EXOC3L1: variants seen among roughly 807,000 people sequenced by gnomAD.
The protein encoded by EXOC3L1 is exocyst complex component 3-like protein.
Under a neutral mutation model 83.6 loss-of-function variants are expected in EXOC3L1, and 79 were observed. The observed-to-expected ratio is 0.95, with a 90% CI of 0.79 to 1.14. The LOEUF (loss-of-function observed/expected upper bound fraction) is 1.14, where lower values mean the gene tolerates loss of function less well. Among genes scored for constraint, EXOC3L1 ranks in the 50% most tolerant of loss-of-function variants. EXOC3L1 has a pLI of 0.00. For missense variants in EXOC3L1, 945 were observed against 972.0 expected (o/e 0.97, Z 0.37); for synonymous variants, 433 against 451.2 (o/e 0.96, Z 0.51).
chr16:67,185,099 C>A, intron 11 of EXOC3L1, 37 bp downstream of exon 11: 1 of 1,612,626 alleles, frequency 6.2e-7, no homozygotes, highest in Non-Finnish European at 8.5e-7. Flanking sequence ...GCCTCTCACC[C>A]GCGCCGCCCC....
At position 67,188,913 on chromosome 16, in the gene EXOC3L1, C is replaced by T. The variant is rs1180878232; in HGVS notation, c.235G>A (p.Val79Met). 2.9e-5 allele frequency: 46 copies of T among 1,613,156 alleles called. No individual in the cohort carries two copies. Among genetic ancestry groups the T allele is most frequent in the Non-Finnish European group, 3.0e-5 (35 of 1,179,970 alleles). ...KSVMQSYLEG[V>M]QTGVWQLAQA... ...GCCAGCTGCCACACACCAGTCTGCA[C>T]GCCTTCCAGGTATGACTGCATCACT... Residue 79 changes from valine to methionine, a missense_variant, in exon 4 of 14, where the codon GTG becomes ATG. Transcript: ENST00000314586.
Position 67,186,598 on chromosome 16 carries a change from C to T in EXOC3L1, c.1344G>A (p.Val448=). 6.2e-7 allele frequency: 1 copy of T among 1,614,112 alleles called. No homozygotes were observed. The highest frequency in any genetic ancestry group is 1.1e-5 in the South Asian group (1 of 91,084). ...SLVSESLQQR[V]HGMALSELGT... is the part of the protein sequence containing the mutation. ...CCAGTTCTGACAGTGCCATGCCATG[C>T]ACTCGCTGTTGCAGTGACTCACTGA... Residue 448 remains valine (V), a synonymous_variant, in exon 8 of 14, where the codon GTG becomes GTA. Coordinates refer to ENST00000314586, the MANE Select transcript of EXOC3L1 (RefSeq NM_178516.4).
intron 4 of EXOC3L1, 23 bp downstream of exon 4, chr16:67,188,698 G>T (rs754719142): frequency 6.3e-7 from 1 of 1,598,230 alleles, no homozygotes; most frequent in Non-Finnish European, 8.5e-7. Flanking sequence ...GGAGGCTGAG[G>T]CCCAGGGTCC....
Position 67,185,010 on chromosome 16 carries a change from G to A in EXOC3L1, c.1797C>T (p.Ser599=), listed in dbSNP as rs2032650158. Residue 599 remains serine (S), a synonymous_variant, in exon 12 of 14, where the codon AGC becomes AGT. Coordinates refer to ENST00000314586, the MANE Select transcript of EXOC3L1 (RefSeq NM_178516.4). ...ACACCAGGCGGCCTTGCATCAGCGC[G>A]CTCAGGTACTGGAGCACCACGGCAC... The part of the protein sequence containing the change: ...AERAVVLQYL[S]ALMQGRLVCR... The A allele has an allele frequency of 1.9e-6, 3 of 1,609,732 alleles. 1 individual carries two copies. The highest frequency in any genetic ancestry group is 2.2e-5 in the South Asian group (2 of 90,810).
rs373436148 is a variant in EXOC3L1, at chr16:67,189,049, G to A, written c.178C>T (p.Arg60Cys). ...LGQYRSREVQ[R>C]TCSLESRLKS... ...AGGCGCGATTCCAGGGAGCAGGTAC[G>A]CTGCACCTCGCGGCTGCGGTACTGG... The change falls in exon 3 of 14, where the codon CGT becomes TGT. Residue 60 changes from arginine to cysteine, a missense_variant. By Grantham distance (180) the Arg-to-Cys change is radical. Coordinates refer to ENST00000314586, the MANE Select transcript of EXOC3L1 (RefSeq NM_178516.4). 82 of 1,607,186 alleles carry A rather than the reference G, an allele frequency of 5.1e-5. 1 individual carries two copies. Among genetic ancestry groups the A allele is most frequent in the Non-Finnish European group, 6.4e-5 (75 of 1,177,310 alleles).
chr16:67,186,874 GAC>G lies in EXOC3L1; in HGVS notation c.1167_1168del (p.Gln391ValfsTer12), dbSNP rs753085451. On this transcript the variant is annotated frameshift_variant, in exon 7 of 14. Coordinates refer to ENST00000314586, the MANE Select transcript of EXOC3L1 (RefSeq NM_178516.4). LOFTEE classifies it high-confidence loss of function. The stretch of plus-strand genomic sequence containing the variant: ...ATCCAGTGCATTCTGCAGCCACTGA[GAC>G]ACACTTGCCTGGGGGGAGGGGCCAG... 3.7e-6 allele frequency: 6 copies of G among 1,613,496 alleles called. No individual in the cohort carries two copies. Among genetic ancestry groups the G allele is most frequent in the Non-Finnish European group, 4.2e-6 (5 of 1,180,016 alleles).
chr16:67,186,827 G>A lies in EXOC3L1; in HGVS notation c.1216C>T (p.Arg406Trp), dbSNP rs748932598. Residue 406 changes from arginine (R) to tryptophan (W), a missense_variant, in exon 7 of 14, where the codon CGG (arginine) becomes TGG (tryptophan). Coordinates refer to ENST00000314586, the MANE Select transcript of EXOC3L1 (RefSeq NM_178516.4). The part of the protein sequence containing the change: ...ALDGEVAEWG[R>W]EHGPNTDPSG... ...GGGTCTGTGTTGGGCCCATGCTCCC[G>A]GCCCCACTCAGCTACCTCCCCATCC... 88 of 1,613,610 alleles carry A rather than the reference G, an allele frequency of 5.5e-5. No individual in the cohort carries two copies. The highest frequency in any genetic ancestry group is 8.3e-5 in the Admixed American group (5 of 60,028).
intron 4 of EXOC3L1, 37 bp downstream of exon 4, chr16:67,188,684 T>C: frequency 6.3e-7 from 1 of 1,578,466 alleles, no homozygotes; most frequent in Non-Finnish European, 8.7e-7. Context: ...GTGGACTGAC[T>C]ATTGGAGGCT....
chr16:67,186,393 T>C, intron 8 of EXOC3L1, 46 bp from the exon 9 acceptor site: 1 of 1,472,366 alleles, frequency 6.8e-7, no homozygotes, highest in African/African-American at 1.4e-5. Flanking sequence ...TATGCTGGCA[T>C]CCCCACAGCC....
At position 67,189,079 on chromosome 16, in the gene EXOC3L1, G is replaced by T; in HGVS notation, c.148C>A (p.Leu50Ile). ...IFYRPEQLAR[L>I]GQYRSREVQR... is the part of the protein sequence containing the mutation. ...ACCTCGCGGCTGCGGTACTGGCCTA[G>T]CCTGGCCAGCTGCTCCGGCCGGTAG... Residue 50 changes from leucine (L) to isoleucine (I), a missense_variant, in exon 3 of 14, where the codon CTA becomes ATA. Leu to Ile is a conservative substitution (Grantham distance 5). Coordinates refer to ENST00000314586, the MANE Select transcript of EXOC3L1 (RefSeq NM_178516.4). 3 of 1,607,982 alleles carry T rather than the reference G, an allele frequency of 1.9e-6. No individual in the cohort carries two copies. The highest frequency in any genetic ancestry group is 8.5e-7 in the Non-Finnish European group (1 of 1,178,708).
chr16:67,186,678 C>T, intron 7 of EXOC3L1, 21 bp from the exon 8 acceptor site: 1 of 1,613,750 alleles, frequency 6.2e-7, no homozygotes, highest in Non-Finnish European at 8.5e-7. Flanking sequence ...AAATGAGCAG[C>T]CATCGGCAAA....
In EXOC3L1 at chr16:67,187,304, G is replaced by A. The variant is rs201361599; in HGVS notation, c.961C>T (p.Gln321Ter). The A allele has an allele frequency of 1.6e-4, 257 of 1,612,956 alleles. No individual in the cohort carries two copies. Among genetic ancestry groups the A allele is most frequent in the Non-Finnish European group, 1.9e-4 (230 of 1,180,000 alleles). Residue 321 changes from glutamine to a stop codon, truncating the protein, a stop_gained, in exon 5 of 14, where the codon CAG becomes TAG. Transcript: ENST00000314586. LOFTEE classifies it high-confidence loss of function. ...AGCTCAGGCCCTGCAAGGAGGTTCT[G>A]CAGGCTGCGGCGCAAACCACTATGC... is the stretch of plus-strand genomic sequence containing the variant. ...TLHSGLRRSL[Q>*]NLLAGPELEA...
Position 67,184,935 on chromosome 16 carries a change from A to G in EXOC3L1, c.1872T>C (p.Asp624=). The G allele has an allele frequency of 6.2e-7, 1 of 1,612,070 alleles. No homozygotes were observed. The highest frequency in any genetic ancestry group is 1.1e-5 in the South Asian group (1 of 91,000). The change falls in exon 12 of 14, where the codon GAT becomes GAC. Residue 624 remains aspartate, a synonymous_variant. Transcript: ENST00000314586. ...GGAAAAGCTGCTGAAGCTGGGCAGC[A>G]TCGTGCCGCAGGCGCTCGGCCGCCT... ...RTQAAERLRH[D]AAQLQQLFLS...
At chr16:67,189,329 T>G in intron 2 of EXOC3L1, 149 bp from the exon 3 acceptor site, 1 of 931,198 alleles carries the variant, frequency 1.1e-6, no homozygotes. Flanking sequence ...CAGGCTGGAG[T>G]GCAGTGGTGC....
At chr16:67,186,197 G>A (rs780242841) in intron 9 of EXOC3L1, 40 bp downstream of exon 9, 1 of 1,354,358 alleles carries the variant, frequency 7.4e-7, no homozygotes, top group Non-Finnish European at 1.0e-6. Flanking sequence ...ACTCAATAGG[G>A]GGTTAGTGAA....
At position 67,187,560 on chromosome 16, in the gene EXOC3L1, G is replaced by C; in HGVS notation, c.705C>G (p.Thr235=). ...AGTCCCGGGGGACCTGGCCCAGGGGGGTTGTTCGTCCAGTCTCCACCTCCG... is the reference window on the plus strand; with the variant it reads ...AGTCCCGGGGGACCTGGCCCAGGGGCGTTGTTCGTCCAGTCTCCACCTCCG... ...RVAEVETGRT[T]PLGQVPRDWR... The change falls in exon 5 of 14, where the codon ACC becomes ACG. Residue 235 remains threonine, a synonymous_variant. Transcript: ENST00000314586. 1.2e-6 allele frequency: 2 copies of C among 1,603,826 alleles called. No individual in the cohort carries two copies. The highest frequency in any genetic ancestry group is 1.7e-5 in the Admixed American group (1 of 59,898).
At chr16:67,185,920 G>A (rs548979585) in intron 9 of EXOC3L1, among the ~76,000 whole-genome samples, 19 of 152,310 alleles carry the variant, frequency 1.2e-4, no homozygotes, top group African/African-American at 4.6e-4. Flanking sequence ...ACAGAGTAGG[G>A]CCTTGAAATA....
At position 67,188,772 on chromosome 16, in the gene EXOC3L1, G is replaced by A; in HGVS notation, c.376C>T (p.Gln126Ter). Residue 126 changes from glutamine (Q) to a stop codon, truncating the protein, a stop_gained, in exon 4 of 14, where the codon CAG (glutamine) becomes TAG (stop). Coordinates refer to ENST00000314586, the MANE Select transcript of EXOC3L1 (RefSeq NM_178516.4). LOFTEE classifies it high-confidence loss of function. ...TLEPLRERVA[Q>*]HKQLQALSHL... ...GACAGGGCCTGCAGTTGCTTGTGCT[G>A]GGCAACCCGCTCCCGTAGGGGCTCT... The A allele has an allele frequency of 6.2e-7, 1 of 1,613,036 alleles. No individual in the cohort carries two copies. The highest frequency in any genetic ancestry group is 1.7e-5 in the Admixed American group (1 of 60,026).
Position 67,184,446 on chromosome 16 carries a change from G to A in EXOC3L1, c.2189C>T (p.Ala730Val), listed in dbSNP as rs1218034299. Residue 730 changes from alanine to valine, a missense_variant, in exon 14 of 14, where the codon GCC (alanine) becomes GTC (valine). Transcript: ENST00000314586. ...GCAGGACCCCGAGGGCAGGCAGGAG[G>A]CCGGCGCGAGCGCGGGCGCGGGCAC... ...SLVPAPALAPASCLPSGSCAR... is the reference protein window; with the variant it reads ...SLVPAPALAPVSCLPSGSCAR... 6.5e-7 allele frequency: 1 copy of A among 1,529,450 alleles called. No individual in the cohort carries two copies. The allele number at this position is 1,529,450 out of a possible 1,614,324, so 94.7% of individuals were successfully genotyped here.
Sources: gnomAD v4.1 joint callset for allele counts (sites outside exome capture counted in the v4.1 genomes callset) on GRCh38, gnomAD v4.1.1 for gene constraint, MANE v1.5 for transcripts, NCBI Gene and HGNC (gene_info 2026-07-23, HGNC 2026-07-21) for gene names.